The following PAN3 variants were observed in gnomAD, a reference collection of about 807,000 sequenced individuals.
PAN3 encodes the protein poly(A) specific ribonuclease subunit PAN3.
In PAN3, 19 loss-of-function variants were observed where a neutral mutation model predicts 96.2. The ratio of observed to expected loss-of-function variants is 0.20; its 90% CI spans 0.14 to 0.29. The LOEUF (loss-of-function observed/expected upper bound fraction) is 0.29. Ranked by LOEUF, PAN3 falls within the 10% of genes least tolerant of loss-of-function variation. The pLI, the probability that PAN3 is intolerant of heterozygous loss-of-function variation, is 1.00. For missense variants in PAN3, 882 were observed against 1,108.1 expected, an observed-to-expected ratio of 0.80 and a Z score of 2.90; for synonymous variants, 433 against 406.6, an observed-to-expected ratio of 1.06 and a Z score of -0.78.
At chr13:28,169,773 G>T (rs1306953067) in intron 1 of PAN3, among the ~76,000 whole-genome samples, 1 of 151,958 alleles carries the variant, frequency 6.6e-6, no homozygotes, top group African/African-American at 2.4e-5. Flanking sequence ...TTTAGGCCGG[G>T]CACAGTGGCT....
chr13:28,245,377 A>G (rs1451284494), intron 6 of PAN3, among the ~76,000 whole-genome samples: 1 of 150,066 alleles, frequency 6.7e-6, no homozygotes, highest in Non-Finnish European at 1.5e-5. Context: ...CTGCTAGTAA[A>G]TGTAAGTGGG....
At chr13:28,180,705 T>C (rs527695101) in intron 4 of PAN3, among the ~76,000 whole-genome samples, 31 of 152,320 alleles carry the variant, frequency 2.0e-4, no homozygotes, top group African/African-American at 7.2e-4. Flanking sequence ...TAAATTATTT[T>C]CTGAAAATCT....
chr13:28,264,291 C>T (rs1885980715), intron 9 of PAN3, among the ~76,000 whole-genome samples: 1 of 152,210 alleles, frequency 6.6e-6, no homozygotes, highest in South Asian at 2.1e-4. Flanking sequence ...GTAATCCCAG[C>T]ACTTTGGGAG....
chr13:28,269,253 T>C (rs1484200969), intron 12 of PAN3, among the ~76,000 whole-genome samples: 1 of 152,202 alleles, frequency 6.6e-6, no homozygotes, highest in Non-Finnish European at 1.5e-5. Context: ...CACTCTTTTA[T>C]AGCATTCTTT....
chr13:28,154,439 A>G (rs897839749), intron 1 of PAN3, among the ~76,000 whole-genome samples: 16 of 151,872 alleles, frequency 1.1e-4, no homozygotes, highest in African/African-American at 3.6e-4. Flanking sequence ...GTGCATAGAT[A>G]TGACAACTTC....
chr13:28,257,758 A>AT, intron 7 of PAN3, among the ~76,000 whole-genome samples: 1 of 137,916 alleles, frequency 7.3e-6, no homozygotes, highest in Non-Finnish European at 1.5e-5. Flanking sequence ...ATATATAATT[A>AT]ATTATATATT....
intron 4 of PAN3, 32 bp downstream of exon 4, chr13:28,177,967 A>T (rs750589964): frequency 2.1e-5 from 33 of 1,562,006 alleles, no homozygotes; most frequent in African/African-American, 2.7e-5. Flanking sequence ...ATTAAACTAA[A>T]TGGAATTTAG....
intron 12 of PAN3, among the ~76,000 whole-genome samples, chr13:28,269,599 A>C (rs181830697): frequency 2.8e-4 from 42 of 151,804 alleles, no homozygotes; most frequent in African/African-American, 9.9e-4. Flanking sequence ...GGCACACAGT[A>C]AGCACTATAT....
intron 4 of PAN3, 146 bp downstream of exon 4, chr13:28,178,081 T>C (rs1348497246): frequency 9.0e-6 from 6 of 669,476 alleles, no homozygotes; most frequent in Non-Finnish European, 1.0e-5. Context: ...TTTATCCTTT[T>C]TCTTTATCTT....
At chr13:28,241,548 T>C (rs1593542705) in intron 6 of PAN3, among the ~76,000 whole-genome samples, 2 of 151,980 alleles carry the variant, frequency 1.3e-5, no homozygotes, top group Admixed American at 6.6e-5. Flanking sequence ...AGGGGTGGGG[T>C]TGTGAGGGAG....
At chr13:28,164,798 G>T (rs1873328022) in intron 1 of PAN3, among the ~76,000 whole-genome samples, 1 of 152,210 alleles carries the variant, frequency 6.6e-6, no homozygotes, top group Admixed American at 6.5e-5. Flanking sequence ...ATTAAGAGGG[G>T]TTAAGTCTGA....
At chr13:28,247,136 T>G (rs9554291) in intron 6 of PAN3, among the ~76,000 whole-genome samples, 1 of 152,048 alleles carries the variant, frequency 6.6e-6, no homozygotes, top group African/African-American at 2.4e-5. Flanking sequence ...TATGATCTCA[T>G]TGTGGTTTTG....
chr13:28,210,374 C>G (rs1443344698), intron 5 of PAN3, among the ~76,000 whole-genome samples: 1 of 151,966 alleles, frequency 6.6e-6, no homozygotes, highest in South Asian at 2.1e-4. Flanking sequence ...TTAAGATTGT[C>G]AAGTTATAAA....
chr13:28,142,305 A>G (rs916566523), intron 1 of PAN3, among the ~76,000 whole-genome samples: 7 of 152,006 alleles, frequency 4.6e-5, no homozygotes, highest in Admixed American at 2.0e-4. Flanking sequence ...CTGTATTCTC[A>G]TTCAGTGTGT....
chr13:28,286,001 T>C (rs1381299369), intron 17 of PAN3, among the ~76,000 whole-genome samples: 1 of 152,200 alleles, frequency 6.6e-6, no homozygotes, highest in Non-Finnish European at 1.5e-5. Flanking sequence ...TTTCTGATAC[T>C]TAGCTGTCCA....
rs570255736 is a variant in PAN3, at chr13:28,211,546, T to G, written c.853-8685T>G. Among the ~76,000 whole-genome samples, 97 of 152,316 alleles carry G rather than the reference T, an allele frequency of 6.4e-4. No homozygotes were observed. The South Asian group carries it at 6.6e-3, about 10-fold the overall frequency. On this transcript the variant is annotated intron_variant, in intron 5 of 18. Transcript: ENST00000380958. ...GACTTTATAAGAAAGTAGATTGAAT[T>G]GCTCACAAGTTATTTGAAATGGTAT...
chr13:28,178,841 G>C (rs1875390695), intron 4 of PAN3, among the ~76,000 whole-genome samples: 1 of 152,118 alleles, frequency 6.6e-6, no homozygotes, highest in South Asian at 2.1e-4. Context: ...CAAGAAGACT[G>C]TGGTGGTGTT....
intron 6 of PAN3, among the ~76,000 whole-genome samples, chr13:28,253,598 CTTTT>C (rs961588017): frequency 1.5e-4 from 21 of 143,006 alleles, no homozygotes; most frequent in Admixed American, 1.1e-3. Context: ...CTTTGCTTTC[CTTTT>C]TTTTTTTTTC....
At chr13:28,161,671 G>GGTA (rs1474086949) in intron 1 of PAN3, among the ~76,000 whole-genome samples, 14 of 152,130 alleles carry the variant, frequency 9.2e-5, no homozygotes, top group African/African-American at 3.1e-4. Context: ...ATGGAGCTTC[G>GGTA]GAGTTAGGTA....
Sources: allele counts gnomAD v4.1 joint callset (sites outside exome capture counted in the v4.1 genomes callset), GRCh38; gene constraint gnomAD v4.1.1; transcripts MANE v1.5; gene names NCBI Gene and HGNC (gene_info 2026-07-23, HGNC 2026-07-21).